DLGAP3: variants seen among roughly 807,000 people sequenced by gnomAD.
DLGAP3 encodes disks large-associated protein 3.
DLGAP3 carries 17 observed loss-of-function variants against 81.2 expected under a neutral mutation model. The ratio of observed to expected loss-of-function variants is 0.21; its 90% CI spans 0.14 to 0.31. DLGAP3 has a LOEUF of 0.31. Ranked by LOEUF, DLGAP3 falls within the 10% of genes least tolerant of loss-of-function variation. The pLI is 1.00. For synonymous variants in DLGAP3, 577 were observed against 587.4 expected, an observed-to-expected ratio of 0.98 and a Z score of 0.26; for missense variants, 1,124 against 1,388.0, an observed-to-expected ratio of 0.81 and a Z score of 3.02.
In DLGAP3 at chr1:34,903,021, C is replaced by T. The variant is rs75063026; in HGVS notation, c.1107+1256G>A. On this transcript the variant is annotated intron_variant, in intron 3 of 11. Transcript: ENST00000373347. ...GCTTGCACTGTGGCCCTATGTGCTC[C>T]CTTGGGCCTTCATGAGTTCTCCAGG... Among the ~76,000 whole-genome samples the T allele has an allele frequency of 2.6e-4, 40 of 152,270 alleles. 1 individual carries two copies. The highest frequency in any genetic ancestry group is 2.3e-3 in the East Asian group (12 of 5,184).
At position 34,889,621 on chromosome 1, in the gene DLGAP3, A is replaced by G. The variant is rs533150621; in HGVS notation, c.1387-3336T>C. ...TTGTGTCTAATTGGAAATTGTCCAG[A>G]CTAGAGTTGGTGGGTCCAACAGGGG... On this transcript the variant is annotated intron_variant, in intron 5 of 11. Transcript: ENST00000373347. Among the ~76,000 whole-genome samples the G allele has an allele frequency of 1.1e-4, 16 of 152,344 alleles. No individual in the cohort carries two copies. In the East Asian group the frequency reaches 2.9e-3, roughly 28 times the overall value.
At chr1:34,875,912 C>A (rs2148396311) in intron 8 of DLGAP3, among the ~76,000 whole-genome samples, 1 of 152,376 alleles carries the variant, frequency 6.6e-6, no homozygotes, top group Non-Finnish European at 1.5e-5. Context: ...GAAGCCATGC[C>A]TGACCCCTCT....
chr1:34,883,541 T>C (rs1639176015), intron 8 of DLGAP3, among the ~76,000 whole-genome samples: 1 of 152,212 alleles, frequency 6.6e-6, no homozygotes, highest in Admixed American at 6.5e-5. Context: ...CATCCATCCA[T>C]GACTCCTACC....
intron 7 of DLGAP3, 103 bp downstream of exon 7, chr1:34,885,375 G>C: frequency 7.5e-7 from 1 of 1,326,238 alleles, no homozygotes; most frequent in Non-Finnish European, 1.1e-6. Flanking sequence ...CTCAGGGCAA[G>C]CCAGAAAGAA....
intron 1 of DLGAP3, among the ~76,000 whole-genome samples, chr1:34,915,656 A>T (rs1000333873): frequency 2.0e-5 from 3 of 152,144 alleles, no homozygotes; most frequent in Admixed American, 2.0e-4. Context: ...GAAGCCAACC[A>T]CGAAGGCTGG....
chr1:34,869,219 TTAAA>T, intron 8 of DLGAP3, 130 bp from the exon 9 acceptor site: 1 of 675,414 alleles, frequency 1.5e-6, no homozygotes, highest in Non-Finnish European at 2.5e-6. Context: ...CCTATGCACT[TTAAA>T]TATATTGGTC....
rs545345808 is a variant in DLGAP3 at position 34,921,359 on chromosome 1, C to T, written c.-135+8092G>A. ...TTTCCTGTCACTGAAATACCTGTTC[C>T]CACAGTTGCTCACCTGGTAAGCACC... On this transcript the variant is annotated intron_variant, in intron 1 of 11. Coordinates refer to ENST00000373347, the MANE Select transcript of DLGAP3 (RefSeq NM_001080418.3). Among the ~76,000 whole-genome samples, 8 of 152,304 alleles carry T rather than the reference C, an allele frequency of 5.3e-5. No individual in the cohort carries two copies. The East Asian group carries it at 1.5e-3, about 29-fold the overall frequency.
chr1:34,876,649 A>G (rs1192708903), intron 8 of DLGAP3, among the ~76,000 whole-genome samples: 1 of 152,182 alleles, frequency 6.6e-6, no homozygotes, highest in Non-Finnish European at 1.5e-5. Flanking sequence ...AGCCTGGCCA[A>G]AGAGATGGGC....
chr1:34,921,702 G>T (rs558983105), intron 1 of DLGAP3, among the ~76,000 whole-genome samples: 1 of 152,358 alleles, frequency 6.6e-6, no homozygotes, highest in South Asian at 2.1e-4. Flanking sequence ...GGAAGGGTAT[G>T]TTTGCAGGCT....
intron 1 of DLGAP3, among the ~76,000 whole-genome samples, chr1:34,920,801 C>T (rs560390626): frequency 1.3e-5 from 2 of 152,196 alleles, no homozygotes; most frequent in South Asian, 4.2e-4. Context: ...CAGCAATGAA[C>T]AAAACAGATG....
chr1:34,885,023 C>A lies in DLGAP3; in HGVS notation c.1955G>T (p.Arg652Leu), dbSNP rs1040792492. The part of the protein sequence containing the change: ...ISDSDTENRS[R>L]REFHSIGVQV... The stretch of plus-strand genomic sequence containing the variant: ...CACGCCAATAGAGTGGAACTCCCTC[C>A]GGCTCCTGTTCTCGGTGTCCGAATC... Residue 652 changes from arginine to leucine, a missense_variant, in exon 8 of 12, where the codon CGG becomes CTG. Coordinates refer to ENST00000373347, the MANE Select transcript of DLGAP3 (RefSeq NM_001080418.3). 1.2e-6 allele frequency: 2 copies of A among 1,613,566 alleles called. No homozygotes were observed. The highest frequency in any genetic ancestry group is 8.5e-7 in the Non-Finnish European group (1 of 1,179,972).
chr1:34,913,314 C>G (rs1406061382), intron 1 of DLGAP3, among the ~76,000 whole-genome samples: 1 of 152,184 alleles, frequency 6.6e-6, no homozygotes, highest in East Asian at 1.9e-4. Context: ...TCTCCTGACC[C>G]ACTGGACGGT....
At chr1:34,898,616 C>A (rs544593260) in intron 5 of DLGAP3, among the ~76,000 whole-genome samples, 12 of 152,312 alleles carry the variant, frequency 7.9e-5, no homozygotes, top group Admixed American at 2.0e-4. Flanking sequence ...GTAAAAATAG[C>A]TAACCTTTAT....
chr1:34,916,250 AG>A (rs1639714169), intron 1 of DLGAP3, among the ~76,000 whole-genome samples: 1 of 152,182 alleles, frequency 6.6e-6, no homozygotes, highest in South Asian at 2.1e-4. Flanking sequence ...GCTTTCCTAA[AG>A]AGGTGGGAGT....
intron 5 of DLGAP3, among the ~76,000 whole-genome samples, chr1:34,886,943 CTTTTTT>C (rs949966445): frequency 1.6e-5 from 1 of 64,298 alleles, no homozygotes. Flanking sequence ...CCCCCACCTT[CTTTTTT>C]TTTTTTTTTT....
intron 1 of DLGAP3, among the ~76,000 whole-genome samples, chr1:34,925,704 G>C (rs1242627812): frequency 6.6e-6 from 1 of 152,130 alleles, no homozygotes; most frequent in Non-Finnish European, 1.5e-5. Flanking sequence ...AGACAGTGAG[G>C]GGGGCAGGGG....
chr1:34,893,513 C>T (rs1639345065), intron 5 of DLGAP3, among the ~76,000 whole-genome samples: 1 of 152,124 alleles, frequency 6.6e-6, no homozygotes, highest in Non-Finnish European at 1.5e-5. Flanking sequence ...ATATATTTTC[C>T]TCACTTCCTC....
chr1:34,911,592 T>G (rs558188274), intron 1 of DLGAP3, among the ~76,000 whole-genome samples: 38 of 152,302 alleles, frequency 2.5e-4, no homozygotes, highest in African/African-American at 8.9e-4. Context: ...GGGTGCCGTG[T>G]GTGACAAATT....
intron 1 of DLGAP3, among the ~76,000 whole-genome samples, chr1:34,918,160 C>G (rs1408889351): frequency 1.3e-5 from 2 of 152,190 alleles, no homozygotes; most frequent in African/African-American, 4.8e-5. Flanking sequence ...AGGCATGGTT[C>G]TCTAGTGCCA....
Sources: allele counts gnomAD v4.1 joint callset (sites outside exome capture counted in the v4.1 genomes callset), GRCh38; gene constraint gnomAD v4.1.1; transcripts MANE v1.5; gene names NCBI Gene and HGNC (gene_info 2026-07-23, HGNC 2026-07-21).